CCDC170: variants seen among roughly 807,000 people sequenced by gnomAD.
The protein encoded by CCDC170 is coiled-coil domain-containing protein 170.
Under a neutral mutation model 72.6 loss-of-function variants are expected in CCDC170, and 69 were observed. That is an observed-to-expected ratio of 0.95 (90% CI 0.78 to 1.16). The LOEUF is 1.16. Among genes scored for constraint, CCDC170 ranks in the 50% most tolerant of loss-of-function variants. CCDC170 has a pLI of 0.00. For missense variants in CCDC170, 852 were observed against 832.5 expected, an observed-to-expected ratio of 1.02 and a Z score of -0.29; for synonymous variants, 300 against 303.9, an observed-to-expected ratio of 0.99 and a Z score of 0.13.
chr6:151,526,959 A>G (rs1299597334), intron 1 of CCDC170, among the ~76,000 whole-genome samples: 1 of 150,496 alleles, frequency 6.6e-6, no homozygotes, highest in African/African-American at 2.5e-5. Flanking sequence ...CATCATTGTC[A>G]CTACAACCTC....
intron 9 of CCDC170, among the ~76,000 whole-genome samples, chr6:151,605,784 C>A (rs1446030360): frequency 1.3e-5 from 2 of 151,926 alleles, no homozygotes; most frequent in Non-Finnish European, 2.9e-5. Flanking sequence ...ACTGTCTCAT[C>A]TTTATATTTG....
intron 1 of CCDC170, among the ~76,000 whole-genome samples, chr6:151,529,455 G>T (rs188270844): frequency 6.6e-6 from 1 of 152,016 alleles, no homozygotes; most frequent in South Asian, 2.1e-4. Context: ...TCAAGAGATC[G>T]AGACCAGCCG....
At chr6:151,544,503 C>A in intron 3 of CCDC170, 69 bp from the exon 4 acceptor site, 24 of 1,439,540 alleles carry the variant, frequency 1.7e-5, no homozygotes, top group Non-Finnish European at 2.3e-5. Context: ...AGCTTATATT[C>A]TGACTTGGTT....
At chr6:151,495,945 C>T (rs1182787486) in intron 1 of CCDC170, among the ~76,000 whole-genome samples, 4 of 152,208 alleles carry the variant, frequency 2.6e-5, no homozygotes, top group Non-Finnish European at 5.9e-5. Flanking sequence ...AACTTTGCCA[C>T]TTGTCCCAAT....
In CCDC170 at chr6:151,494,156, G is replaced by A. The variant is rs976666990; in HGVS notation, c.28G>A (p.Ala10Thr). Residue 10 changes from alanine to threonine, a missense_variant, in exon 1 of 11, where the codon GCG (alanine) becomes ACG (threonine). Transcript: ENST00000239374. Reference protein sequence around the residue: MSLDCTSHIALGAASPAPEE... With the variant: MSLDCTSHITLGAASPAPEE... Reference sequence around the variant, plus strand: ...GAGCCTGGACTGCACCAGCCATATCGCGCTGGGTGCCGCTTCGCCAGCGCC... The same window carrying A: ...GAGCCTGGACTGCACCAGCCATATCACGCTGGGTGCCGCTTCGCCAGCGCC... 2 of 1,525,808 alleles carry A rather than the reference G, an allele frequency of 1.3e-6. No homozygotes were observed. The highest frequency in any genetic ancestry group is 1.8e-6 in the Non-Finnish European group (2 of 1,141,562). 94.5% of individuals were successfully genotyped at this position (1,525,808 alleles called of 1,614,324 possible). A position where few individuals can be genotyped will look rare whatever the true frequency, so the allele number is the denominator to read the frequency against.
intron 1 of CCDC170, among the ~76,000 whole-genome samples, chr6:151,528,588 G>A (rs932488979): frequency 2.6e-5 from 4 of 152,196 alleles, no homozygotes; most frequent in African/African-American, 9.6e-5. Flanking sequence ...GCTCATGCCT[G>A]TAATCCCAGC....
chr6:151,596,283 A>G, intron 8 of CCDC170, 52 bp from the exon 9 acceptor site: 1 of 1,518,360 alleles, frequency 6.6e-7, no homozygotes, highest in Non-Finnish European at 8.8e-7. Context: ...ACTCATTTAT[A>G]TTTACTATTG....
chr6:151,586,150 G>A (rs544896284), intron 7 of CCDC170, 61 bp downstream of exon 7: 1 of 1,527,512 alleles, frequency 6.5e-7, no homozygotes, highest in South Asian at 1.2e-5. Context: ...AATTTTACCT[G>A]AAAATATCCT....
intron 5 of CCDC170, among the ~76,000 whole-genome samples, chr6:151,558,232 GTT>G (rs55648936): frequency 0.32 from 22,443 of 71,082 alleles, 2,304 homozygotes; most frequent in Non-Finnish European, 0.37. Flanking sequence ...TGAGATTAGT[GTT>G]TTTTTTTTTT....
intron 5 of CCDC170, among the ~76,000 whole-genome samples, chr6:151,569,103 A>G (rs1010641173): frequency 6.6e-6 from 1 of 152,204 alleles, no homozygotes; most frequent in Non-Finnish European, 1.5e-5. Flanking sequence ...TCATAACTGC[A>G]GTAGGTAGAA....
intron 4 of CCDC170, among the ~76,000 whole-genome samples, chr6:151,547,140 C>T (rs534259704): frequency 2.0e-5 from 3 of 152,276 alleles, no homozygotes; most frequent in African/African-American, 7.2e-5. Context: ...AACACGTGTG[C>T]ACACGCATTC....
Position 151,504,454 on chromosome 6 carries a change from TAATA to T in CCDC170, c.57+10276_57+10279del, listed in dbSNP as rs201615320. 1.7e-3 allele frequency among the ~76,000 whole-genome samples: 262 copies of T among 152,126 alleles called. 1 individual carries two copies. The highest frequency in any genetic ancestry group is 0.011 in the East Asian group (55 of 5,172). ...AATTTTACCAATAAAAAATAATTGG[TAATA>T]AATAAAATTTTTACCAATTTTACCA... is the stretch of plus-strand genomic sequence containing the variant. On this transcript the variant is annotated intron_variant, in intron 1 of 10. Transcript: ENST00000239374.
At chr6:151,583,794 G>T (rs1265489281) in intron 6 of CCDC170, among the ~76,000 whole-genome samples, 2 of 152,184 alleles carry the variant, frequency 1.3e-5, no homozygotes, top group Non-Finnish European at 2.9e-5. Context: ...AGAGGCCATT[G>T]TAAGGTTATT....
intron 4 of CCDC170, among the ~76,000 whole-genome samples, chr6:151,546,212 T>G (rs1283671193): frequency 6.6e-6 from 1 of 152,206 alleles, no homozygotes; most frequent in Non-Finnish European, 1.5e-5. Flanking sequence ...TTTTGATAGC[T>G]GGGACCATGG....
At chr6:151,578,666 A>G (rs887139792) in intron 6 of CCDC170, among the ~76,000 whole-genome samples, 1 of 152,200 alleles carries the variant, frequency 6.6e-6, no homozygotes, top group African/African-American at 2.4e-5. Flanking sequence ...AGTTGAGATG[A>G]ACAGAGGAGG....
intron 4 of CCDC170, among the ~76,000 whole-genome samples, chr6:151,546,240 A>G (rs1372434578): frequency 6.6e-6 from 1 of 152,118 alleles, no homozygotes; most frequent in Non-Finnish European, 1.5e-5. Context: ...TGATGCTCTC[A>G]TGGGTGCTGG....
chr6:151,509,220 ATGTATCTATCTATC>A (rs1782110473), intron 1 of CCDC170, among the ~76,000 whole-genome samples: 8 of 101,798 alleles, frequency 7.9e-5, no homozygotes, highest in East Asian at 3.9e-4. Context: ...CTATCTATCT[ATGTATCTATCTATC>A]TATCTATCTA....
At chr6:151,495,742 T>A (rs1253421998) in intron 1 of CCDC170, among the ~76,000 whole-genome samples, 1 of 152,190 alleles carries the variant, frequency 6.6e-6, no homozygotes, top group African/African-American at 2.4e-5. Context: ...GCGATCCACC[T>A]GCCTCAGACT....
intron 1 of CCDC170, among the ~76,000 whole-genome samples, chr6:151,494,731 G>A (rs1781885277): frequency 2.0e-5 from 3 of 152,138 alleles, no homozygotes; most frequent in Admixed American, 2.0e-4. Flanking sequence ...CAATGCGCGC[G>A]CGCACACACA....
Sources: allele counts gnomAD v4.1 joint callset (sites outside exome capture counted in the v4.1 genomes callset), GRCh38; gene constraint gnomAD v4.1.1; transcripts MANE v1.5; gene names NCBI Gene and HGNC (gene_info 2026-07-23, HGNC 2026-07-21).